CHL1: variants seen among roughly 807,000 people sequenced by gnomAD.
CHL1 encodes the protein cell adhesion molecule L1 like, also known as neural cell adhesion molecule L1-like protein.
CHL1 carries 96 observed loss-of-function variants against 141.9 expected under a neutral mutation model. That is an observed-to-expected ratio of 0.68 (90% confidence interval 0.57 to 0.80). The LOEUF is 0.80. CHL1 is among the 30% of genes least tolerant of loss of function. The pLI is 0.00. For synonymous variants in CHL1, 613 were observed against 502.2 expected (o/e 1.22, Z -2.95); for missense variants, 1,820 against 1,457.2 (o/e 1.25, Z -4.05).
intron 2 of CHL1, among the ~76,000 whole-genome samples, chr3:315,106 T>A (rs1295191222): frequency 6.6e-6 from 1 of 152,190 alleles, no homozygotes; most frequent in Non-Finnish European, 1.5e-5. Flanking sequence ...GGAGGGACTA[T>A]ATCCTCATTG....
At chr3:239,326 C>G (rs1415140969) in intron 1 of CHL1, among the ~76,000 whole-genome samples, 4 of 152,288 alleles carry the variant, frequency 2.6e-5, no homozygotes, top group East Asian at 1.9e-4. Flanking sequence ...AATGAGACAA[C>G]TAGAGTTCTA....
Position 360,418 on chromosome 3 carries a change from G to GTTGTGGGTGA in CHL1, c.1301_1306+4dup. On this transcript the variant is annotated frameshift_variant, in exon 12 of 28. Transcript: ENST00000256509. LOFTEE classifies it high-confidence loss of function. ...TATCCTTGCCAATGCCAATATTGAT[G>GTTGTGGGTGA]TTGTGGGTGAGTGTGCCTGGGAGCT... is the stretch of plus-strand genomic sequence containing the variant. 6.2e-7 allele frequency: 1 copy of GTTGTGGGTGA among 1,613,378 alleles called. No homozygotes were observed. The highest frequency in any genetic ancestry group is 8.5e-7 in the Non-Finnish European group (1 of 1,179,666).
Position 363,376 on chromosome 3 carries a change from T to C in CHL1, c.1578T>C (p.Asp526=), listed in dbSNP as rs779064271. 4 of 1,609,402 alleles carry C rather than the reference T, an allele frequency of 2.5e-6. No homozygotes were observed. The highest frequency in any genetic ancestry group is 1.3e-5 in the African/African-American group (1 of 74,530). ...IGKTAVTANL[D]IRNATKLRVS... ...AAACTGCAGTCACAGCCAATTTGGA[T>C]ATTAGAAGTATTTTTATTTCACTGT... The change falls in exon 14 of 28, where the codon GAT becomes GAC. Residue 526 remains aspartate (D), a synonymous_variant. Coordinates refer to ENST00000256509, the MANE Select transcript of CHL1 (RefSeq NM_006614.4).
chr3:298,102 A>T (rs1698368480), intron 2 of CHL1, among the ~76,000 whole-genome samples: 1 of 152,204 alleles, frequency 6.6e-6, no homozygotes, highest in South Asian at 2.1e-4. Flanking sequence ...AGTGGTTATA[A>T]CTCAGGAAAG....
chr3:243,451 G>A (rs1441652224), intron 1 of CHL1, among the ~76,000 whole-genome samples: 1 of 152,130 alleles, frequency 6.6e-6, no homozygotes, highest in Non-Finnish European at 1.5e-5. Flanking sequence ...TAATAATGCG[G>A]TCAGAAGTAG....
intron 11 of CHL1, among the ~76,000 whole-genome samples, chr3:358,294 T>C (rs1703896240): frequency 6.6e-6 from 1 of 152,110 alleles, no homozygotes. Context: ...CTACACTGCA[T>C]CTCTCTGACC....
intron 2 of CHL1, among the ~76,000 whole-genome samples, chr3:262,828 T>G (rs6803855): frequency 0.053 from 8,145 of 152,266 alleles, 700 homozygotes; most frequent in African/African-American, 0.19. Context: ...ACATGGGAGT[T>G]CATTCAAGCC....
chr3:326,885 T>C (rs1009212616), intron 4 of CHL1, among the ~76,000 whole-genome samples: 3 of 151,960 alleles, frequency 2.0e-5, no homozygotes, highest in Admixed American at 6.6e-5. Context: ...GGTTGATATT[T>C]AATAATCATT....
intron 27 of CHL1, among the ~76,000 whole-genome samples, chr3:402,596 T>C (rs1324834597): frequency 6.6e-6 from 1 of 152,202 alleles, no homozygotes; most frequent in Non-Finnish European, 1.5e-5. Flanking sequence ...TGATCCTGAT[T>C]CTCTCATCTC....
intron 24 of CHL1, 130 bp from the exon 25 acceptor site, chr3:398,097 G>A (rs1708823405): frequency 2.0e-6 from 1 of 495,726 alleles, no homozygotes; most frequent in Non-Finnish European, 3.4e-6. Flanking sequence ...TTGATCTCCT[G>A]GTAATTCAAA....
At chr3:296,696 G>A (rs1698217445) in intron 2 of CHL1, among the ~76,000 whole-genome samples, 1 of 152,106 alleles carries the variant, frequency 6.6e-6, no homozygotes, top group South Asian at 2.1e-4. Flanking sequence ...GAAAAATGAG[G>A]GGAAGTTATT....
chr3:396,230 A>G (rs1708654047), intron 24 of CHL1, among the ~76,000 whole-genome samples: 1 of 152,158 alleles, frequency 6.6e-6, no homozygotes, highest in Admixed American at 6.5e-5. Context: ...GGGATTGGAA[A>G]CTTCCCAGTA....
chr3:209,594 T>C (rs1310288695), intron 1 of CHL1, among the ~76,000 whole-genome samples: 1 of 152,208 alleles, frequency 6.6e-6, no homozygotes, highest in Non-Finnish European at 1.5e-5. Flanking sequence ...CTTCAAGTTT[T>C]AGGGTACATG....
chr3:261,224 C>T (rs1212233050), intron 2 of CHL1, among the ~76,000 whole-genome samples: 1 of 151,920 alleles, frequency 6.6e-6, no homozygotes, highest in Non-Finnish European at 1.5e-5. Flanking sequence ...ATCTGTTTAG[C>T]ATCATGTTTA....
rs746205168 is a variant in CHL1 at position 405,531 on chromosome 3, G to C, written c.3495G>C (p.Arg1165=). The C allele has an allele frequency of 1.9e-6, 3 of 1,612,924 alleles. No individual in the cohort carries two copies. The Admixed American group carries it at 5.0e-5, about 27-fold the overall frequency. ...SDEKPLKGSL[R]SLNRDMQPTE... is the part of the protein sequence containing the mutation. The stretch of plus-strand genomic sequence containing the variant: ...AAAAGCCTCTCAAAGGAAGCCTTCG[G>C]TCCCTTAATAGGGATATGCAGCCTA... The change falls in exon 28 of 28, where the codon CGG becomes CGC. Residue 1165 remains arginine (R), a synonymous_variant. Transcript: ENST00000256509.
intron 2 of CHL1, among the ~76,000 whole-genome samples, chr3:263,285 G>T (rs1397660022): frequency 1.3e-5 from 2 of 151,758 alleles, no homozygotes; most frequent in Non-Finnish European, 1.5e-5. Context: ...CCCCAGGGTG[G>T]TATAGGTACA....
At chr3:293,513 T>A (rs570198793) in intron 2 of CHL1, among the ~76,000 whole-genome samples, 19 of 151,984 alleles carry the variant, frequency 1.3e-4, no homozygotes, top group African/African-American at 2.2e-4. Flanking sequence ...AAAAAAAATT[T>A]TAAAAAAACC....
chr3:384,496 A>G (rs1707430523), intron 19 of CHL1: 1 of 152,176 alleles, frequency 6.6e-6, no homozygotes, highest in Non-Finnish European at 1.5e-5. Context: ...CCTCCTTTAC[A>G]TATCTCGGTT....
intron 5 of CHL1, among the ~76,000 whole-genome samples, chr3:334,470 A>G (rs1267966503): frequency 1.3e-5 from 2 of 152,120 alleles, no homozygotes; most frequent in Non-Finnish European, 2.9e-5. Context: ...TTAGGCAACC[A>G]CCAATTAATT....
Sources: allele counts gnomAD v4.1 joint callset (sites outside exome capture counted in the v4.1 genomes callset), GRCh38; gene constraint gnomAD v4.1.1; transcripts MANE v1.5; gene names NCBI Gene and HGNC (gene_info 2026-07-23, HGNC 2026-07-21).